Variants in MTCL1 observed in about 807,000 individuals in gnomAD.
MTCL1 encodes microtubule crosslinking factor 1.
Under a neutral mutation model 141.4 loss-of-function variants are expected in MTCL1, and 79 were observed. The ratio of observed to expected loss-of-function variants is 0.56; its 90% CI spans 0.47 to 0.67. The LOEUF (loss-of-function observed/expected upper bound fraction) is 0.67. MTCL1 is among the 30% of genes least tolerant of loss of function. MTCL1 has a pLI of 0.00. For missense variants in MTCL1, 2,177 were observed against 2,113.9 expected, an observed-to-expected ratio of 1.03 and a Z score of -0.59; for synonymous variants, 914 against 875.8, an observed-to-expected ratio of 1.04 and a Z score of -0.77.
Position 8,779,255 on chromosome 18 carries a change from TC to T in MTCL1, c.417+1367del, listed in dbSNP as rs1412498053. Among the ~76,000 whole-genome samples, 4 of 152,164 alleles carry T rather than the reference TC, an allele frequency of 2.6e-5. No individual in the cohort carries two copies. The East Asian group carries it at 7.7e-4, about 29-fold the overall frequency. ...TGATGGTGGTGGGCCCCTGGGTGTC[TC>T]CCCTCCTGGCCATGCCTGCCCTCTG... On this transcript the variant is annotated intron_variant, in intron 5 of 16. Transcript: ENST00000359865. The surrounding 1 kb of genome is among the most constrained non-coding windows in gnomAD (Gnocchi z 4.1).
rs546994924 is a variant in MTCL1, at chr18:8,760,211, A to G, written c.358-17622A>G. Among the ~76,000 whole-genome samples the G allele has an allele frequency of 7.1e-4, 108 of 152,262 alleles. 1 individual carries two copies. Among genetic ancestry groups the G allele is most frequent in the African/African-American group, 2.6e-3 (108 of 41,552 alleles). On this transcript the variant is annotated intron_variant, in intron 4 of 16. Coordinates refer to ENST00000359865, the Ensembl canonical transcript of MTCL1. Reference sequence around the variant, plus strand: ...CCTCCTTGTAAGTCCCTTCTCCGAGATGCAGTGCCGGGCTATGGAGGGTCT... The same window carrying G: ...CCTCCTTGTAAGTCCCTTCTCCGAGGTGCAGTGCCGGGCTATGGAGGGTCT...
exon 6 of MTCL1, chr18:8,784,075 A>G (rs1040698945): frequency 1.2e-5 from 20 of 1,613,190 alleles, no homozygotes; most frequent in East Asian, 4.5e-5. Flanking sequence ...GCTGGCTAGG[A>G]GAGGGTGCAA....
At position 8,822,127 on chromosome 18, in the gene MTCL1, A is replaced by G. The variant is rs68127908; in HGVS notation, c.3188+629A>G. Among the ~76,000 whole-genome samples the G allele has an allele frequency of 0.024, 3,583 of 152,222 alleles. 115 individuals carry two copies. Among genetic ancestry groups the G allele is most frequent in the African/African-American group, 0.071 (2,933 of 41,526 alleles). The stretch of plus-strand genomic sequence containing the variant: ...CCTCTGAACTTCGAGTCTGTGAATG[A>G]CTGTCCTCTTCCCATTTGCTCCCTG... On this transcript the variant is annotated intron_variant, in intron 14 of 16. Transcript: ENST00000359865. This position sits in a 1 kb window ranked among gnomAD's most constrained non-coding sequence, Gnocchi z 4.6.
intron 4 of MTCL1, among the ~76,000 whole-genome samples, chr18:8,759,647 G>C (rs1443814615): frequency 6.6e-6 from 1 of 152,188 alleles, no homozygotes; most frequent in Non-Finnish European, 1.5e-5. Flanking sequence ...GCTATTACAA[G>C]GGAGTTGCCC....
intron 4 of MTCL1, among the ~76,000 whole-genome samples, chr18:8,746,570 C>G (rs893800695): frequency 6.6e-6 from 1 of 152,130 alleles, no homozygotes; most frequent in Non-Finnish European, 1.5e-5. Flanking sequence ...ATTTTCTTGT[C>G]CTATGTGGAG....
chr18:8,800,267 GCCGAGCA>G (rs2076073166), intron 10 of MTCL1, among the ~76,000 whole-genome samples: 1 of 152,160 alleles, frequency 6.6e-6, no homozygotes, highest in African/African-American at 2.4e-5. Context: ...TTCCCGAAAC[GCCGAGCA>G]CCTCGCAAGG....
intron 4 of MTCL1, among the ~76,000 whole-genome samples, chr18:8,772,616 A>G (rs1400355086): frequency 1.3e-5 from 2 of 150,622 alleles, no homozygotes; most frequent in Admixed American, 6.6e-5. Flanking sequence ...TATGTGTTAT[A>G]TATTAGTATT....
chr18:8,769,408 A>G (rs902127816), intron 4 of MTCL1, among the ~76,000 whole-genome samples: 1 of 152,144 alleles, frequency 6.6e-6, no homozygotes, highest in African/African-American at 2.4e-5. Flanking sequence ...TTACAGTTTT[A>G]CTTTATTACC....
rs79800812 is a variant in MTCL1 at position 8,785,879 on chromosome 18, T to C, written c.1732-57T>C. 8.3e-4 allele frequency: 1,269 copies of C among 1,521,458 alleles called. 10 individuals are homozygous for C. In the African/African-American group the frequency reaches 0.016, roughly 19 times the overall value. The allele number at this position is 1,521,458 out of a possible 1,614,324, so 94.2% of individuals were successfully genotyped here. On this transcript the variant is annotated intron_variant, in intron 6 of 16. Coordinates refer to ENST00000359865, the Ensembl canonical transcript of MTCL1. ...CACCCTTGTCCTTTGTTTGTTTGTT[T>C]TTTTGTTTAAAATTTTAAAGAACAA...
intron 7 of MTCL1, among the ~76,000 whole-genome samples, chr18:8,792,734 A>G (rs1040561833): frequency 2.0e-5 from 3 of 152,124 alleles, no homozygotes; most frequent in Non-Finnish European, 2.9e-5. Context: ...GTTTGTGGTT[A>G]TGGTGGTGGG....
intron 16 of MTCL1, chr18:8,829,657 C>T (rs1302287774): frequency 1.5e-5 from 15 of 985,262 alleles, no homozygotes; most frequent in African/African-American, 1.7e-5. Flanking sequence ...ACCTCATCCA[C>T]TGGCCTTGAC....
intron 4 of MTCL1, among the ~76,000 whole-genome samples, chr18:8,743,109 A>T (rs760592272): frequency 6.6e-5 from 10 of 152,258 alleles, no homozygotes; most frequent in Non-Finnish European, 1.5e-4. Context: ...CTGCAGATGG[A>T]GAAGTCCCGT....
At chr18:8,785,995 G>A (rs1194836799) in exon 7 of MTCL1, 2 of 1,607,718 alleles carry the variant, frequency 1.2e-6, no homozygotes. Context: ...ACGAGCGGGA[G>A]AGCCTGCGCC....
At chr18:8,733,714 C>G (rs1190933733) in intron 4 of MTCL1, among the ~76,000 whole-genome samples, 1 of 152,134 alleles carries the variant, frequency 6.6e-6, no homozygotes, top group African/African-American at 2.4e-5. Context: ...CCGTTAGTAT[C>G]CTGTTAATGA....
chr18:8,749,245 G>A (rs2096357831), intron 4 of MTCL1, among the ~76,000 whole-genome samples: 1 of 152,238 alleles, frequency 6.6e-6, no homozygotes, highest in Non-Finnish European at 1.5e-5. Context: ...CCCAAATGCA[G>A]TTGCCGCTGC....
chr18:8,710,453 CTTTCTTTTT>C (rs1234132310), intron 1 of MTCL1, among the ~76,000 whole-genome samples: 10 of 112,424 alleles, frequency 8.9e-5, no homozygotes, highest in Admixed American at 4.5e-4. Flanking sequence ...AACCCAGGCA[CTTTCTTTTT>C]TTTTTTTTTT....
intron 16 of MTCL1, chr18:8,829,786 C>G: frequency 2.0e-6 from 2 of 985,150 alleles, no homozygotes; most frequent in South Asian, 4.7e-5. Flanking sequence ...CCCAGGACAC[C>G]ATGCCATGCA....
chr18:8,812,899 A>C, intron 11 of MTCL1, 80 bp from the exon 11 acceptor site: 1 of 1,511,220 alleles, frequency 6.6e-7, no homozygotes, highest in Non-Finnish European at 8.9e-7. Context: ...TCCAGGGATC[A>C]CATGTAAATG....
chr18:8,783,995 AT>A lies in MTCL1; in HGVS notation c.884del (p.Ile295ThrfsTer8). On this transcript the variant is annotated frameshift_variant, in exon 6 of 17. Transcript: ENST00000359865. LOFTEE classifies it high-confidence loss of function. The stretch of plus-strand genomic sequence containing the variant: ...GTTGCTCCGGAGGTCCATCTCCGAG[AT>A]CGAAGACCACAACCGGCAACTGACC... 2 of 1,613,682 alleles carry A rather than the reference AT, an allele frequency of 1.2e-6. No homozygotes were observed. The highest frequency in any genetic ancestry group is 1.7e-6 in the Non-Finnish European group (2 of 1,180,026).
Sources: gnomAD v4.1 joint callset for allele counts (sites outside exome capture counted in the v4.1 genomes callset) on GRCh38, gnomAD v4.1.1 for gene constraint, Gnocchi (gnomAD v3.1) non-coding constraint, MANE v1.5 for transcripts, NCBI Gene and HGNC (gene_info 2026-07-23, HGNC 2026-07-21) for gene names.